CD96: variants seen among roughly 807,000 people sequenced by gnomAD.
The protein encoded by CD96 is T-cell surface protein tactile.
In CD96, 70 loss-of-function variants were observed where a neutral mutation model predicts 71.3. The observed-to-expected ratio is 0.98, with a 90% CI of 0.81 to 1.20. The LOEUF (loss-of-function observed/expected upper bound fraction) is 1.20. Ranked by LOEUF, CD96 falls within the 50% of genes most tolerant of loss-of-function variation. The probability of loss-of-function intolerance (pLI) is 0.00; values close to 1 mark genes in which losing one functional copy is unlikely to be tolerated. For synonymous variants in CD96, 248 were observed against 233.0 expected (o/e 1.06, Z -0.59); for missense variants, 742 against 677.5 (o/e 1.10, Z -1.06).
chr3:111,581,130 G>A (rs1936444406), intron 4 of CD96, among the ~76,000 whole-genome samples: 1 of 151,976 alleles, frequency 6.6e-6, no homozygotes, highest in African/African-American at 2.4e-5. Flanking sequence ...ACAGCTCTTT[G>A]TCTCTACATT....
chr3:111,647,166 A>T (rs551244371), intron 12 of CD96, among the ~76,000 whole-genome samples: 1 of 151,838 alleles, frequency 6.6e-6, no homozygotes, highest in Non-Finnish European at 1.5e-5. Flanking sequence ...GTACACCAAA[A>T]TCCCCACAGC....
chr3:111,655,678 AT>A (rs895782654), downstream of CD96, among the ~76,000 whole-genome samples: 19 of 152,072 alleles, frequency 1.2e-4, no homozygotes, highest in African/African-American at 4.6e-4. Context: ...AATTTACCAT[AT>A]AAATAGAACT....
intron 14 of CD96, among the ~76,000 whole-genome samples, chr3:111,657,973 A>C (rs547666545): frequency 7.1e-4 from 108 of 152,290 alleles, no homozygotes; most frequent in South Asian, 2.5e-3. Context: ...TATATTTCCC[A>C]GATGTGCCTT....
chr3:111,577,055 G>GA (rs963561836), intron 3 of CD96, among the ~76,000 whole-genome samples: 4 of 152,006 alleles, frequency 2.6e-5, no homozygotes, highest in African/African-American at 4.8e-5. Flanking sequence ...CTGCCCAGGG[G>GA]AAAAAAGCAA....
intron 14 of CD96, among the ~76,000 whole-genome samples, chr3:111,664,171 A>G (rs947357468): frequency 1.5e-5 from 2 of 136,378 alleles, no homozygotes; most frequent in African/African-American, 5.5e-5. Context: ...GTGTATACCC[A>G]AAGGAAAATA....
intron 5 of CD96, among the ~76,000 whole-genome samples, chr3:111,589,591 T>G (rs1936880017): frequency 6.6e-6 from 1 of 152,232 alleles, no homozygotes; most frequent in African/African-American, 2.4e-5. Flanking sequence ...CCCTGCTGTA[T>G]TTTTAATAAT....
At chr3:111,567,122 T>C (rs1410015766) in intron 2 of CD96, among the ~76,000 whole-genome samples, 1 of 152,140 alleles carries the variant, frequency 6.6e-6, no homozygotes, top group Non-Finnish European at 1.5e-5. Context: ...TCAATTTTGC[T>C]GTGAACCTAA....
rs1204780121 is a variant in CD96, at chr3:111,649,728, A to G, written c.1632A>G (p.Pro544=). 8.7e-6 allele frequency: 14 copies of G among 1,613,872 alleles called. No individual in the cohort carries two copies. Among genetic ancestry groups the G allele is most frequent in the East Asian group, 2.2e-5 (1 of 44,892 alleles). The change falls in exon 14 of 14, where the codon CCA becomes CCG. Residue 544 remains proline, a synonymous_variant. Transcript: ENST00000352690. Reference sequence around the variant, plus strand: ...AAAGACCTCCACCTTTCAAGCCACCACCACCTCCCATCAAGTACACTTGCA... The same window carrying G: ...AAAGACCTCCACCTTTCAAGCCACCGCCACCTCCCATCAAGTACACTTGCA... ...IMERPPPFKP[P]PPPIKYTCIQ... is the part of the protein sequence containing the mutation.
intron 8 of CD96, among the ~76,000 whole-genome samples, chr3:111,617,324 G>T (rs933503264): frequency 2.0e-5 from 3 of 152,236 alleles, no homozygotes; most frequent in Non-Finnish European, 4.4e-5. Context: ...CCAGTTCCAA[G>T]TGAAGTCCAT....
At chr3:111,630,234 A>T (rs1212670639) in intron 10 of CD96, among the ~76,000 whole-genome samples, 1 of 152,078 alleles carries the variant, frequency 6.6e-6, no homozygotes, top group East Asian at 1.9e-4. Flanking sequence ...CTGGTTTTTT[A>T]AAAAAGATTA....
chr3:111,542,665 T>C (rs1934162998), intron 1 of CD96, among the ~76,000 whole-genome samples: 1 of 152,174 alleles, frequency 6.6e-6, no homozygotes. Context: ...AAATTAAAAA[T>C]TACAAAGCCA....
At chr3:111,545,448 C>T (rs777418282) in intron 2 of CD96, 46 bp downstream of exon 2, 20 of 1,220,648 alleles carry the variant, frequency 1.6e-5, no homozygotes, top group African/African-American at 3.0e-5. Flanking sequence ...AGCTCTCTCT[C>T]ATTCAACAAA....
At chr3:111,594,107 C>T in intron 5 of CD96, 4 of 1,614,014 alleles carry the variant, frequency 2.5e-6, no homozygotes, top group Non-Finnish European at 3.4e-6. Context: ...AACCAGTTCT[C>T]CTGTCTCACT....
At chr3:111,653,999 C>T (rs1452178853), downstream of CD96, among the ~76,000 whole-genome samples, 3 of 152,004 alleles carry the variant, frequency 2.0e-5, no homozygotes, top group Non-Finnish European at 4.4e-5. Flanking sequence ...TTACTAAGGC[C>T]AGAGATAATG....
At chr3:111,612,102 C>T (rs1436634803) in intron 8 of CD96, among the ~76,000 whole-genome samples, 1 of 152,168 alleles carries the variant, frequency 6.6e-6, no homozygotes, top group Non-Finnish European at 1.5e-5. Context: ...CAACAAATAG[C>T]CACTATGGCT....
intron 2 of CD96, among the ~76,000 whole-genome samples, chr3:111,547,882 A>G (rs1360059950): frequency 6.6e-6 from 1 of 152,188 alleles, no homozygotes; most frequent in African/African-American, 2.4e-5. Context: ...CCTTCACCAC[A>G]GAGTGACCAC....
chr3:111,640,571 A>G (rs1576425190), intron 12 of CD96, among the ~76,000 whole-genome samples: 1 of 152,350 alleles, frequency 6.6e-6, no homozygotes, highest in South Asian at 2.1e-4. Context: ...TATTTGGGGG[A>G]TAATCAAGGA....
At position 111,659,768 on chromosome 3, in the gene CD96, G is replaced by A. The variant is rs553606315; in HGVS notation, c.*53-5759G>A. The stretch of plus-strand genomic sequence containing the variant: ...ATTCACCACATAAACAGAATTAAAA[G>A]CAAGAGACATATGATCATCTCAATA... On this transcript the variant is annotated intron_variant and NMD_transcript_variant, in intron 14 of 14. Coordinates refer to the CD96 transcript ENST00000494798. Among the ~76,000 whole-genome samples the A allele has an allele frequency of 7.9e-5, 12 of 152,206 alleles. No homozygotes were observed. In the South Asian group the frequency reaches 2.3e-3, roughly 29 times the overall value.
chr3:111,645,014 T>G (rs1186850053), intron 12 of CD96, among the ~76,000 whole-genome samples: 3 of 152,200 alleles, frequency 2.0e-5, no homozygotes, highest in African/African-American at 7.2e-5. Context: ...CTACTGGATA[T>G]CTGCCCAGAG....
Sources: gnomAD v4.1 joint callset for allele counts (sites outside exome capture counted in the v4.1 genomes callset) on GRCh38, gnomAD v4.1.1 for gene constraint, MANE v1.5 for transcripts, NCBI Gene and HGNC (gene_info 2026-07-23, HGNC 2026-07-21) for gene names.